The following TG variants were observed in gnomAD, a reference collection of about 807,000 sequenced individuals.
TG encodes the protein thyroid hormones.
In TG, 270 loss-of-function variants were observed where a neutral mutation model predicts 324.7. The observed-to-expected ratio is 0.83, with a 90% CI of 0.75 to 0.92. TG has a LOEUF of 0.92. Among genes scored for constraint, TG ranks in the 40% least tolerant of loss-of-function variants. The pLI is 0.00. For synonymous variants in TG, 1,401 were observed against 1,327.0 expected (o/e 1.06, Z -1.21); for missense variants, 3,591 against 3,456.4 (o/e 1.04, Z -0.98).
intron 20 of TG, 95 bp downstream of exon 20, chr8:132,913,360 C>T (rs1057126485): frequency 1.6e-5 from 21 of 1,288,164 alleles, no homozygotes; most frequent in Non-Finnish European, 2.0e-5. Flanking sequence ...TCTGGACATC[C>T]AGGGCTGAGA....
chr8:132,901,642 C>T, intron 16 of TG, 89 bp downstream of exon 16: 2 of 1,434,932 alleles, frequency 1.4e-6, no homozygotes, highest in South Asian at 1.3e-5. Context: ...GCTGGGAAGG[C>T]AGGGGTGGGA....
chr8:132,888,122 T>A lies in TG; in HGVS notation c.2315T>A (p.Val772Glu). Residue 772 changes from valine to glutamate, a missense_variant, in exon 10 of 48, where the codon GTG (valine) becomes GAG (glutamate). Val to Glu is a moderately radical substitution (Grantham distance 121). Transcript: ENST00000220616. ...AGCACCGATGGGCAGTGGAGACAAG[T>A]GCAATGCAATGGGCCTCCTGAGCAG... ...QCSTDGQWRQVQCNGPPEQVF... is the reference protein window; with the variant it reads ...QCSTDGQWRQEQCNGPPEQVF... 1 of 1,614,032 alleles carries A rather than the reference T, an allele frequency of 6.2e-7. No individual in the cohort carries two copies. The highest frequency in any genetic ancestry group is 8.5e-7 in the Non-Finnish European group (1 of 1,179,986).
intron 37 of TG, among the ~76,000 whole-genome samples, chr8:133,014,988 C>T (rs772197067): frequency 2.6e-5 from 4 of 152,092 alleles, no homozygotes; most frequent in African/African-American, 9.7e-5. Context: ...CGGGTTCAAG[C>T]GATTCTCATG....
At chr8:132,870,916 C>T (rs867084544) in intron 3 of TG, among the ~76,000 whole-genome samples, 8 of 152,312 alleles carry the variant, frequency 5.3e-5, no homozygotes, top group Non-Finnish European at 1.0e-4. Context: ...ACACCTCCCA[C>T]ATTGGGGATC....
At position 132,941,403 on chromosome 8, in the gene TG, A is replaced by G. The variant is rs747285254; in HGVS notation, c.5094A>G (p.Gln1698=). The change falls in exon 26 of 48, where the codon CAA becomes CAG. Residue 1698 remains glutamine (Q), a synonymous_variant. Transcript: ENST00000220616. ...AACGCTTTGAACCCACTGGTTTCCAAAACATGCTTTCTGGATTGTACAACC... is the reference window on the plus strand; with the variant it reads ...AACGCTTTGAACCCACTGGTTTCCAGAACATGCTTTCTGGATTGTACAACC... The part of the protein sequence containing the change: ...LQKRFEPTGF[Q]NMLSGLYNPI... 3.1e-6 allele frequency: 5 copies of G among 1,614,112 alleles called. No individual in the cohort carries two copies. Among genetic ancestry groups the G allele is most frequent in the Non-Finnish European group, 1.7e-6 (2 of 1,180,054 alleles).
At position 133,019,043 on chromosome 8, in the gene TG, G is replaced by T. The variant is rs188285080; in HGVS notation, c.6783-559G>T. Among the ~76,000 whole-genome samples the T allele has an allele frequency of 3.3e-5, 5 of 152,364 alleles. No individual in the cohort carries two copies. The East Asian group carries it at 7.7e-4, about 23-fold the overall frequency. On this transcript the variant is annotated intron_variant, in intron 38 of 47. Coordinates refer to ENST00000220616, the MANE Select transcript of TG (RefSeq NM_003235.5). ...ACAGATGAAATGACGGAGTCACATAGGTTTGAGTGGAGAGTAGTTGAGAGC... is the reference window on the plus strand; with the variant it reads ...ACAGATGAAATGACGGAGTCACATATGTTTGAGTGGAGAGTAGTTGAGAGC...
chr8:132,908,154 T>C (rs1049773037), intron 17 of TG, 32 bp from the exon 18 acceptor site: 27 of 1,612,754 alleles, frequency 1.7e-5, no homozygotes, highest in Non-Finnish European at 1.9e-5. Context: ...ACAGGCCCAT[T>C]GCCTCTGCTG....
chr8:133,077,936 A>G (rs1031137682), intron 41 of TG, among the ~76,000 whole-genome samples: 2 of 152,024 alleles, frequency 1.3e-5, no homozygotes, highest in African/African-American at 4.8e-5. Flanking sequence ...GGGAGCAAAA[A>G]TTGCCCCCAG....
At chr8:132,887,648 T>A in intron 9 of TG, 100 bp downstream of exon 9, 2 of 1,507,160 alleles carry the variant, frequency 1.3e-6, no homozygotes, top group Non-Finnish European at 1.8e-6. Context: ...GGCCAATGCT[T>A]ACACTTCAGT....
chr8:132,972,214 C>T (rs913551925), intron 33 of TG: 4 of 451,210 alleles, frequency 8.9e-6, no homozygotes, highest in Non-Finnish European at 1.6e-5. Flanking sequence ...GGTTGATTCC[C>T]TTACTAGTGT....
chr8:133,118,067 T>C (rs1850840347), intron 45 of TG, among the ~76,000 whole-genome samples: 1 of 152,316 alleles, frequency 6.6e-6, no homozygotes, highest in South Asian at 2.1e-4. Context: ...ATCATTTATC[T>C]TTACAATTAG....
At chr8:133,005,965 G>A (rs867878349) in intron 35 of TG, among the ~76,000 whole-genome samples, 4 of 152,140 alleles carry the variant, frequency 2.6e-5, no homozygotes, top group Middle Eastern at 3.2e-3. Flanking sequence ...TCTTCTCCCT[G>A]CACTGGAGGA....
intron 29 of TG, chr8:132,964,900 G>T (rs1490436787): frequency 7.1e-6 from 5 of 702,346 alleles, no homozygotes; most frequent in Non-Finnish European, 1.0e-5. Context: ...AGGTTTCTCG[G>T]AGGAGGCCAG....
intron 31 of TG, among the ~76,000 whole-genome samples, chr8:132,969,058 A>G (rs1829073944): frequency 6.6e-6 from 1 of 151,790 alleles, no homozygotes; most frequent in Non-Finnish European, 1.5e-5. Flanking sequence ...AGCTTCTTAA[A>G]GAAATTCCAG....
At chr8:133,061,732 C>T (rs1587943216) in intron 41 of TG, among the ~76,000 whole-genome samples, 1 of 152,186 alleles carries the variant, frequency 6.6e-6, no homozygotes, top group Non-Finnish European at 1.5e-5. Context: ...TTATGAAGGG[C>T]ACAAAAGTCA....
intron 32 of TG, among the ~76,000 whole-genome samples, chr8:132,970,595 T>C (rs1293357457): frequency 6.6e-6 from 1 of 152,152 alleles, no homozygotes; most frequent in East Asian, 1.9e-4. Context: ...AGATCTACTT[T>C]TGAAAATGGG....
At chr8:133,042,727 T>A (rs79777246) in intron 41 of TG, among the ~76,000 whole-genome samples, 2 of 137,096 alleles carry the variant, frequency 1.5e-5, no homozygotes, top group African/African-American at 5.5e-5. Context: ...GGAGTCTTGC[T>A]CTGCCACACA....
chr8:133,040,814 A>T (rs1838076986), intron 41 of TG, among the ~76,000 whole-genome samples: 1 of 152,204 alleles, frequency 6.6e-6, no homozygotes, highest in African/African-American at 2.4e-5. Flanking sequence ...GAGAAAACAA[A>T]GATAAAGAGG....
intron 41 of TG, among the ~76,000 whole-genome samples, chr8:133,056,225 T>C (rs1249919053): frequency 6.6e-6 from 1 of 152,236 alleles, no homozygotes; most frequent in Admixed American, 6.5e-5. Flanking sequence ...CGTGGATTTC[T>C]TGGGCTAGTT....
Sources: allele counts gnomAD v4.1 joint callset (sites outside exome capture counted in the v4.1 genomes callset), GRCh38; gene constraint gnomAD v4.1.1; transcripts MANE v1.5; gene names NCBI Gene and HGNC (gene_info 2026-07-23, HGNC 2026-07-21).